GGH: variants seen among roughly 807,000 people sequenced by gnomAD.
GGH encodes gamma-Glu-X carboxypeptidase.
Under a neutral mutation model 39.2 loss-of-function variants are expected in GGH, and 18 were observed. The ratio of observed to expected loss-of-function variants is 0.46; its 90% CI spans 0.32 to 0.68. The LOEUF (loss-of-function observed/expected upper bound fraction) is 0.68. GGH is among the 30% of genes least tolerant of loss of function. The pLI is 0.04. For synonymous variants in GGH, 147 were observed against 138.8 expected (o/e 1.06, Z -0.42); for missense variants, 367 against 384.1 (o/e 0.96, Z 0.37).
intron 3 of GGH, among the ~76,000 whole-genome samples, 174 bp from the exon 4 acceptor site, chr8:63,027,439 C>T (rs1465940312): frequency 6.6e-6 from 1 of 152,060 alleles, no homozygotes; most frequent in Non-Finnish European, 1.5e-5. Flanking sequence ...TTTACAATCC[C>T]ATTCAGAAAC....
At chr8:63,021,157 T>G (rs1002003686) in intron 7 of GGH, among the ~76,000 whole-genome samples, 1 of 152,208 alleles carries the variant, frequency 6.6e-6, no homozygotes, top group Non-Finnish European at 1.5e-5. Context: ...ACATACAGCA[T>G]GTATTCCCTT....
At position 63,023,932 on chromosome 8, in the gene GGH, C is replaced by T. The variant is rs750758901; in HGVS notation, c.672G>A (p.Lys224=). 1.3e-6 allele frequency: 2 copies of T among 1,584,644 alleles called. No individual in the cohort carries two copies. Among genetic ancestry groups the T allele is most frequent in the East Asian group, 4.5e-5 (2 of 44,586 alleles). ...FNVLTTNTDG[K]IEFISTMEGY... ...CTTCCATTGTTGAAATAAACTCAAT[C>T]TTGCCATCTGTATTTGTAGTTAAGA... The change falls in exon 7 of 9, where the codon AAG becomes AAA. Residue 224 remains lysine, a synonymous_variant. Coordinates refer to ENST00000260118, the MANE Select transcript of GGH (RefSeq NM_003878.3).
In GGH at chr8:63,030,206, G is replaced by A. The variant is rs1447355312; in HGVS notation, c.236C>T (p.Thr79Ile). 1.4e-6 allele frequency: 2 copies of A among 1,417,948 alleles called. No homozygotes were observed. Among genetic ancestry groups the A allele is most frequent in the African/African-American group, 1.4e-5 (1 of 71,220 alleles). 87.8% of individuals were successfully genotyped at this position (1,417,948 alleles called of 1,614,324 possible). The change falls in exon 3 of 9, where the codon ACA becomes ATA. Residue 79 changes from threonine to isoleucine, a missense_variant. Transcript: ENST00000260118. ...ARVVPVRLDL[T>I]EKDYEILFKS... ...GAAAAGTATTTCATAGTCTTTCTCT[G>A]TAAGATCCAGCCTGAAAACAATAAA...
intron 8 of GGH, among the ~76,000 whole-genome samples, chr8:63,015,863 GGA>G (rs1804479257): frequency 6.6e-6 from 1 of 152,158 alleles, no homozygotes; most frequent in Non-Finnish European, 1.5e-5. Context: ...CACAGCCTGG[GGA>G]TGGAAATATA....
At chr8:63,016,705 G>A (rs1407326030) in intron 8 of GGH, among the ~76,000 whole-genome samples, 1 of 152,182 alleles carries the variant, frequency 6.6e-6, no homozygotes, top group Non-Finnish European at 1.5e-5. Context: ...GCTACACACA[G>A]TTCTGCTTAA....
At chr8:63,030,765 G>C (rs1309563784) in intron 2 of GGH, among the ~76,000 whole-genome samples, 1 of 152,058 alleles carries the variant, frequency 6.6e-6, no homozygotes, top group Non-Finnish European at 1.5e-5. Context: ...GAGGACCACA[G>C]AGAGATGACT....
chr8:63,029,283 C>T (rs1230974600), intron 3 of GGH, among the ~76,000 whole-genome samples: 1 of 152,166 alleles, frequency 6.6e-6, no homozygotes, highest in Middle Eastern at 3.2e-3. Context: ...GCTATACACA[C>T]CATCACGTGC....
chr8:63,020,253 C>T (rs1475849170), intron 7 of GGH, among the ~76,000 whole-genome samples: 1 of 152,158 alleles, frequency 6.6e-6, no homozygotes, highest in Admixed American at 6.5e-5. Flanking sequence ...AATAAAGCAT[C>T]TCAAGTGTTC....
intron 7 of GGH, among the ~76,000 whole-genome samples, chr8:63,018,987 A>G (rs927116512): frequency 6.6e-6 from 1 of 152,212 alleles, no homozygotes; most frequent in Non-Finnish European, 1.5e-5. Flanking sequence ...ACAAGACATC[A>G]GTTTTAAAAG....
intron 8 of GGH, 45 bp from the exon 9 acceptor site, chr8:63,015,498 T>A (rs368283085): frequency 4.0e-6 from 5 of 1,245,706 alleles, no homozygotes; most frequent in Admixed American, 2.2e-5. Flanking sequence ...GATGACAAAA[T>A]CTTCAAGAGA....
chr8:63,021,668 CCTTT>C lies in GGH; in HGVS notation c.697+2235_697+2238del, dbSNP rs1804587612. On this transcript the variant is annotated intron_variant, in intron 7 of 8. Transcript: ENST00000260118. ...GATGGTATCCATTCAAATCTCATAT[CCTTT>C]TTTTTTTTTTTTTTTTTTTTGAGGC... Among the ~76,000 whole-genome samples, 4 of 115,566 alleles carry C rather than the reference CCTTT, an allele frequency of 3.5e-5. No individual in the cohort carries two copies. In the South Asian group the frequency reaches 9.9e-4, roughly 29 times the overall value. 75.8% of individuals were successfully genotyped at this position (115,566 alleles called of 152,430 possible).
chr8:63,019,091 G>A (rs536322034), intron 7 of GGH, among the ~76,000 whole-genome samples: 7 of 152,288 alleles, frequency 4.6e-5, no homozygotes, highest in East Asian at 3.9e-4. Context: ...TGGTAAAACC[G>A]CTGATGCTTT....
intron 1 of GGH, among the ~76,000 whole-genome samples, chr8:63,036,108 T>C (rs1300122216): frequency 6.6e-6 from 1 of 152,148 alleles, no homozygotes; most frequent in African/African-American, 2.4e-5. Flanking sequence ...TTCCCACACA[T>C]ACTCACAGAC....
chr8:63,024,964 A>G (rs1309611228), intron 5 of GGH: 2 of 152,336 alleles, frequency 1.3e-5, no homozygotes, highest in East Asian at 3.9e-4. Flanking sequence ...AGAGCTTTCA[A>G]AAGCACAAAG....
chr8:63,020,716 T>C (rs1804569793), intron 7 of GGH, among the ~76,000 whole-genome samples: 1 of 152,134 alleles, frequency 6.6e-6, no homozygotes, highest in Non-Finnish European at 1.5e-5. Flanking sequence ...AGGGACTGTG[T>C]GTAGCAAACA....
At chr8:63,034,269 TGGCA>T (rs761457258) in intron 2 of GGH, among the ~76,000 whole-genome samples, 10 of 151,798 alleles carry the variant, frequency 6.6e-5, no homozygotes, top group Non-Finnish European at 1.5e-4. Flanking sequence ...CAAAAGCAAA[TGGCA>T]ATCTTGGTGT....
chr8:63,026,036 A>G, intron 5 of GGH, 122 bp downstream of exon 5: 1 of 747,000 alleles, frequency 1.3e-6, no homozygotes, highest in Non-Finnish European at 2.2e-6. Flanking sequence ...TGTCATAAGC[A>G]TTTTTTCCTT....
intron 7 of GGH, among the ~76,000 whole-genome samples, chr8:63,020,112 CGAGT>C (rs1367247800): frequency 2.6e-5 from 4 of 152,100 alleles, no homozygotes; most frequent in Non-Finnish European, 5.9e-5. Context: ...CATTCAGTAA[CGAGT>C]GAGATTTACT....
intron 5 of GGH, among the ~76,000 whole-genome samples, chr8:63,025,691 A>G (rs529954429): frequency 1.3e-5 from 2 of 152,256 alleles, no homozygotes; most frequent in East Asian, 3.9e-4. Flanking sequence ...AGATTGCGTC[A>G]CTGCGCTCCA....
Sources: gnomAD v4.1 joint callset for allele counts (sites outside exome capture counted in the v4.1 genomes callset) on GRCh38, gnomAD v4.1.1 for gene constraint, MANE v1.5 for transcripts, NCBI Gene and HGNC (gene_info 2026-07-23, HGNC 2026-07-21) for gene names.